Variants in SYN3 observed in about 807,000 individuals in gnomAD.
SYN3 encodes the protein synapsin-3.
In SYN3, 35 loss-of-function variants were observed where a neutral mutation model predicts 65.8. The observed-to-expected ratio is 0.53, with a 90% CI of 0.41 to 0.70. SYN3 has a LOEUF of 0.70. SYN3 is among the 30% of genes least tolerant of loss of function. SYN3 has a pLI of 0.00. For synonymous variants in SYN3, 270 were observed against 292.9 expected (o/e 0.92, Z 0.80); for missense variants, 680 against 749.0 (o/e 0.91, Z 1.08).
intron 7 of SYN3, among the ~76,000 whole-genome samples, chr22:32,596,093 G>T (rs1229762012): frequency 6.6e-6 from 1 of 151,958 alleles, no homozygotes; most frequent in Admixed American, 6.6e-5. Flanking sequence ...AAAATAAAGT[G>T]TGTAGCACCT....
intron 7 of SYN3, among the ~76,000 whole-genome samples, chr22:32,585,740 A>C (rs9621504): frequency 0.49 from 74,911 of 151,588 alleles, 19,682 homozygotes; most frequent in African/African-American, 0.7. Flanking sequence ...TACACAGAGA[A>C]GCAGGATGAC....
intron 6 of SYN3, among the ~76,000 whole-genome samples, chr22:32,642,931 G>A (rs1601824299): frequency 6.6e-6 from 1 of 152,158 alleles, no homozygotes; most frequent in South Asian, 2.1e-4. Flanking sequence ...TGAGTTATTT[G>A]TTTTTTAAAT....
intron 6 of SYN3, among the ~76,000 whole-genome samples, chr22:32,758,321 T>A (rs1196203253): frequency 6.6e-6 from 1 of 152,088 alleles, no homozygotes; most frequent in African/African-American, 2.4e-5. Flanking sequence ...TGGTTAATAC[T>A]AAGTGTCAAC....
chr22:33,035,928 T>G (rs2053851091), intron 1 of SYN3, among the ~76,000 whole-genome samples: 1 of 152,160 alleles, frequency 6.6e-6, no homozygotes, highest in Admixed American at 6.5e-5. Flanking sequence ...TAACGTTGAC[T>G]ATAAGCTTAT....
At chr22:32,731,242 T>C (rs2061266716) in intron 6 of SYN3, among the ~76,000 whole-genome samples, 2 of 152,182 alleles carry the variant, frequency 1.3e-5, no homozygotes, top group Admixed American at 1.3e-4. Flanking sequence ...AGAGCTGCCC[T>C]TTGGTGTGTG....
chr22:32,569,005 A>G (rs1291921890), intron 7 of SYN3, among the ~76,000 whole-genome samples: 1 of 152,124 alleles, frequency 6.6e-6, no homozygotes, highest in Non-Finnish European at 1.5e-5. Context: ...TTGTTAGAGG[A>G]ATCAGAAGAA....
intron 9 of SYN3, 61 bp downstream of exon 9, chr22:32,537,975 C>T (rs895878616): frequency 1.3e-5 from 20 of 1,502,540 alleles, no homozygotes; most frequent in Non-Finnish European, 1.8e-5. Flanking sequence ...CCTTTTGTTG[C>T]ATTCCCCCTT....
chr22:32,544,229 C>A (rs755015661), intron 7 of SYN3, among the ~76,000 whole-genome samples: 2 of 152,240 alleles, frequency 1.3e-5, no homozygotes, highest in Non-Finnish European at 2.9e-5. Context: ...CGAGCCACTG[C>A]GCCTGGCCCC....
intron 6 of SYN3, among the ~76,000 whole-genome samples, chr22:32,845,715 G>T (rs1360008502): frequency 6.6e-6 from 1 of 152,124 alleles, no homozygotes; most frequent in African/African-American, 2.4e-5. Flanking sequence ...GTCCAGCCTG[G>T]CCCATCTGTA....
chr22:32,616,932 C>T (rs1470680144), intron 6 of SYN3, among the ~76,000 whole-genome samples: 1 of 152,020 alleles, frequency 6.6e-6, no homozygotes, highest in Non-Finnish European at 1.5e-5. Context: ...CCACAAAGGA[C>T]ACAAGGCCCA....
At chr22:33,051,685 C>G (rs549926971) in intron 1 of SYN3, among the ~76,000 whole-genome samples, 1 of 152,066 alleles carries the variant, frequency 6.6e-6, no homozygotes, top group East Asian at 1.9e-4. Flanking sequence ...ACACAAACAA[C>G]CAAGGGTCAG....
intron 6 of SYN3, among the ~76,000 whole-genome samples, chr22:32,608,926 TTGATACAG>T: frequency 6.6e-6 from 1 of 152,372 alleles, no homozygotes; most frequent in South Asian, 2.1e-4. Context: ...AAATTAGTAC[TTGATACAG>T]TGATAGCCAT....
chr22:32,593,604 AGAG>A (rs765916369), intron 7 of SYN3, among the ~76,000 whole-genome samples: 4 of 152,182 alleles, frequency 2.6e-5, no homozygotes, highest in African/African-American at 4.8e-5. Context: ...AGGAGGAAGC[AGAG>A]GAGGAGGAGA....
intron 6 of SYN3, among the ~76,000 whole-genome samples, chr22:32,656,564 C>T (rs991982565): frequency 7.9e-5 from 12 of 152,038 alleles, no homozygotes; most frequent in African/African-American, 2.9e-4. Context: ...AGAGTGGTAG[C>T]GGATCGATAG....
intron 2 of SYN3, among the ~76,000 whole-genome samples, chr22:32,992,220 G>A (rs900802457): frequency 6.6e-5 from 10 of 152,304 alleles, no homozygotes; most frequent in Middle Eastern, 6.8e-3. Context: ...CTTCAGGGCC[G>A]AGCCTCCCTT....
chr22:33,020,243 A>G (rs1490699454), intron 1 of SYN3, among the ~76,000 whole-genome samples: 1 of 152,194 alleles, frequency 6.6e-6, no homozygotes, highest in African/African-American at 2.4e-5. Flanking sequence ...CAATCCTAGG[A>G]AAATGGAGAA....
chr22:33,041,215 C>T (rs886826213), intron 1 of SYN3, among the ~76,000 whole-genome samples: 20 of 151,890 alleles, frequency 1.3e-4, no homozygotes, highest in African/African-American at 4.8e-4. Context: ...CTGGGCCCAG[C>T]CTGGGTACTC....
At chr22:32,942,780 G>A (rs771768968) in intron 3 of SYN3, among the ~76,000 whole-genome samples, 11 of 152,156 alleles carry the variant, frequency 7.2e-5, no homozygotes, top group African/African-American at 1.9e-4. Context: ...ACCATGGCAC[G>A]AGAACTACGT....
intron 7 of SYN3, among the ~76,000 whole-genome samples, chr22:32,544,097 C>A (rs2058301112): frequency 6.6e-6 from 1 of 152,174 alleles, no homozygotes; most frequent in African/African-American, 2.4e-5. Flanking sequence ...CACCACCATG[C>A]CCGGCTAGTT....
Sources: gnomAD v4.1 joint callset for allele counts (sites outside exome capture counted in the v4.1 genomes callset) on GRCh38, gnomAD v4.1.1 for gene constraint, MANE v1.5 for transcripts, NCBI Gene and HGNC (gene_info 2026-07-23, HGNC 2026-07-21) for gene names.